Variants in CPNE3 observed in about 807,000 individuals in gnomAD.
The protein encoded by CPNE3 is copine-3.
Under a neutral mutation model 63.9 loss-of-function variants are expected in CPNE3, and 68 were observed. That is an observed-to-expected ratio of 1.06 (90% CI 0.87 to 1.30). CPNE3 has a LOEUF of 1.30. Among genes scored for constraint, CPNE3 ranks in the 50% most tolerant of loss-of-function variants. The pLI is 0.00. For synonymous variants in CPNE3, 219 were observed against 197.5 expected, an observed-to-expected ratio of 1.11 and a Z score of -0.91; for missense variants, 665 against 578.1, an observed-to-expected ratio of 1.15 and a Z score of -1.54.
rs773744983 is a variant in CPNE3, at chr8:86,540,231, C to A, written c.544-14C>A. ...AAGTTTTTCTAACAGCTTTTTGAAA[C>A]CACATTTTTATAGGTTGTTAAAAAC... On this transcript the variant is annotated splice_polypyrimidine_tract_variant and intron_variant, in intron 7 of 16. Transcript: ENST00000517490. 58 of 1,562,930 alleles carry A rather than the reference C, an allele frequency of 3.7e-5. No individual in the cohort carries two copies. Among genetic ancestry groups the A allele is most frequent in the Admixed American group, 6.7e-5 (4 of 59,660 alleles).
intron 2 of CPNE3, 112 bp from the exon 3 acceptor site, chr8:86,528,424 T>C (rs1283804133): frequency 3.4e-6 from 4 of 1,186,608 alleles, no homozygotes; most frequent in Non-Finnish European, 4.8e-6. Context: ...AAGTTCACTC[T>C]ATAAGCCTAT....
At chr8:86,540,770 A>G (rs1010415085) in intron 8 of CPNE3, among the ~76,000 whole-genome samples, 1 of 152,206 alleles carries the variant, frequency 6.6e-6, no homozygotes, top group African/African-American at 2.4e-5. Context: ...TATTGATGGC[A>G]TTTTTCTTCC....
Position 86,544,854 on chromosome 8 carries a change from G to A in CPNE3, c.732+16G>A. On this transcript the variant is annotated intron_variant, in intron 9 of 16. Transcript: ENST00000517490. ...AAGCTCACCTGTAAGTTACATCCTT[G>A]CATTTGCATATACTTTATAGTTTGG... The A allele has an allele frequency of 1.4e-6, 2 of 1,441,156 alleles. No homozygotes were observed. The highest frequency in any genetic ancestry group is 1.9e-6 in the Non-Finnish European group (2 of 1,046,322). 89.3% of individuals were successfully genotyped at this position (1,441,156 alleles called of 1,614,324 possible).
intron 2 of CPNE3, among the ~76,000 whole-genome samples, chr8:86,516,128 C>G (rs1820302465): frequency 6.6e-6 from 1 of 152,114 alleles, no homozygotes; most frequent in African/African-American, 2.4e-5. Flanking sequence ...GGGACTGGAT[C>G]ATTTTGAGAC....
chr8:86,543,959 T>A (rs1820996791), intron 8 of CPNE3, among the ~76,000 whole-genome samples: 1 of 152,114 alleles, frequency 6.6e-6, no homozygotes, highest in South Asian at 2.1e-4. Flanking sequence ...GAATATTTAC[T>A]CTTTGACTGT....
chr8:86,532,372 C>A, intron 5 of CPNE3, 137 bp from the exon 6 acceptor site: 1 of 559,696 alleles, frequency 1.8e-6, no homozygotes, highest in Admixed American at 3.5e-5. Flanking sequence ...TTTAATGATG[C>A]CATTTTCTTA....
intron 8 of CPNE3, among the ~76,000 whole-genome samples, chr8:86,541,663 C>T (rs1400312667): frequency 6.7e-6 from 1 of 148,154 alleles, no homozygotes. Flanking sequence ...AATATTGCTT[C>T]ACACTGCACT....
chr8:86,558,287 G>A lies in CPNE3; in HGVS notation c.1492-1G>A, dbSNP rs200102898. On this transcript the variant is annotated splice_acceptor_variant, in intron 16 of 16. Transcript: ENST00000517490. LOFTEE classifies it high-confidence loss of function. ...GTCACTTTTATTTTGTTTTTCACAA[G>A]GCTCCAAAAGAAGCACTTGCTCAGT... 2.3e-6 allele frequency: 2 copies of A among 872,794 alleles called. No individual in the cohort carries two copies. Among genetic ancestry groups the A allele is most frequent in the East Asian group, 4.8e-5 (2 of 41,698 alleles). 54.1% of individuals were successfully genotyped at this position (872,794 alleles called of 1,614,324 possible).
chr8:86,540,997 A>G (rs1182690333), intron 8 of CPNE3, among the ~76,000 whole-genome samples: 2 of 152,230 alleles, frequency 1.3e-5, no homozygotes, highest in Non-Finnish European at 2.9e-5. Flanking sequence ...ATACATATAC[A>G]TAAAAGAAAC....
rs375434239 is a variant in CPNE3, at chr8:86,532,711, CAT to C, written c.459+132_459+133del. The C allele has an allele frequency of 9.9e-4, 728 of 736,532 alleles. 7 individuals carry two copies. In the African/African-American group the frequency reaches 0.011, roughly 11 times the overall value. The allele number at this position is 736,532 out of a possible 1,614,324, so 45.6% of individuals were successfully genotyped here. On this transcript the variant is annotated intron_variant, in intron 6 of 16. Coordinates refer to ENST00000517490, the MANE Select transcript of CPNE3 (RefSeq NM_003909.5). The stretch of plus-strand genomic sequence containing the variant: ...GGGTACTAGTTACTTTCAAATTTTG[CAT>C]GTGTGTGTGTGTGTTGTATGTTTAA...
At chr8:86,544,660 A>T in intron 8 of CPNE3, 80 bp from the exon 9 acceptor site, 1 of 623,306 alleles carries the variant, frequency 1.6e-6, no homozygotes, top group Non-Finnish European at 2.3e-6. Context: ...GCACTTCATG[A>T]TAGGTTATAT....
At chr8:86,515,984 T>C (rs1820296975) in intron 2 of CPNE3, among the ~76,000 whole-genome samples, 1 of 152,226 alleles carries the variant, frequency 6.6e-6, no homozygotes. Flanking sequence ...GTGACAACAA[T>C]AGATGTCTCA....
At chr8:86,516,567 T>G (rs1223080752) in intron 2 of CPNE3, among the ~76,000 whole-genome samples, 1 of 152,184 alleles carries the variant, frequency 6.6e-6, no homozygotes, top group Non-Finnish European at 1.5e-5. Flanking sequence ...TTATTTATTT[T>G]ATAATAAAGA....
Position 86,551,113 on chromosome 8 carries a change from C to A in CPNE3, c.1068+13C>A. On this transcript the variant is annotated intron_variant, in intron 13 of 16. Coordinates refer to ENST00000517490, the MANE Select transcript of CPNE3 (RefSeq NM_003909.5). ...TCCTCAGTGGCAGGTAAGAGGAAAT[C>A]TCTATTTTAAAGCTTTGCCTCCTAG... The A allele has an allele frequency of 1.2e-6, 2 of 1,612,998 alleles. No individual in the cohort carries two copies. The highest frequency in any genetic ancestry group is 2.2e-5 in the East Asian group (1 of 44,860).
Position 86,532,582 on chromosome 8 carries a change from T to A in CPNE3, c.459+2T>A. 1 of 1,609,014 alleles carries A rather than the reference T, an allele frequency of 6.2e-7. No homozygotes were observed. The highest frequency in any genetic ancestry group is 8.5e-7 in the Non-Finnish European group (1 of 1,178,208). On this transcript the variant is annotated splice_donor_variant, in intron 6 of 16. Transcript: ENST00000517490. LOFTEE classifies it high-confidence loss of function. ...GAAGCCAGAAAACTGGATAATAAGG[T>A]GGGTAGACTATGCAGATTTCAAAAA...
At position 86,561,452 on chromosome 8, in the gene CPNE3, C is replaced by T. The variant is rs1032799256; in HGVS notation, c.*3042C>T. 3.9e-5 allele frequency: 6 copies of T among 152,068 alleles called. No individual in the cohort carries two copies. Among genetic ancestry groups the T allele is most frequent in the South Asian group, 4.1e-4 (2 of 4,826 alleles). 9.4% of individuals were successfully genotyped at this position (152,068 alleles called of 1,614,324 possible). A position where few individuals can be genotyped will look rare whatever the true frequency, so the allele number is the denominator to read the frequency against. Reference sequence around the variant, plus strand: ...TTTCATTTTTATTCTTTACATGTGACCAAAACAATAGAAAAGTTAAAAATA... The same window carrying T: ...TTTCATTTTTATTCTTTACATGTGATCAAAACAATAGAAAAGTTAAAAATA... On this transcript the variant is annotated 3_prime_UTR_variant, in exon 17 of 17. Transcript: ENST00000517490.
In CPNE3 at chr8:86,554,884, G is replaced by A. The variant is rs779512312; in HGVS notation, c.1154G>A (p.Cys385Tyr). The A allele has an allele frequency of 3.1e-6, 5 of 1,614,132 alleles. No homozygotes were observed. The South Asian group carries it at 3.3e-5, about 11-fold the overall frequency. Reference protein sequence around the residue: ...IQGIVEAYRSCLPQIKLYGPT... With the variant: ...IQGIVEAYRSYLPQIKLYGPT... ...GGCATTGTAGAGGCGTATCGGTCTT[G>A]TCTTCCTCAGATAAAACTCTATGGA... Residue 385 changes from cysteine (C) to tyrosine (Y), a missense_variant, in exon 15 of 17, where the codon TGT becomes TAT. Coordinates refer to ENST00000517490, the MANE Select transcript of CPNE3 (RefSeq NM_003909.5).
chr8:86,519,428 T>G (rs990358596), intron 2 of CPNE3, among the ~76,000 whole-genome samples: 2 of 152,234 alleles, frequency 1.3e-5, no homozygotes, highest in Non-Finnish European at 2.9e-5. Flanking sequence ...TCAGCAATGG[T>G]ATCACTATTT....
chr8:86,548,926 A>G (rs1821113652), intron 12 of CPNE3, among the ~76,000 whole-genome samples: 1 of 152,178 alleles, frequency 6.6e-6, no homozygotes, highest in Admixed American at 6.5e-5. Context: ...GGCAGTTGCC[A>G]AATTATTTTT....
Sources: allele counts gnomAD v4.1 joint callset (sites outside exome capture counted in the v4.1 genomes callset), GRCh38; gene constraint gnomAD v4.1.1; transcripts MANE v1.5; gene names NCBI Gene and HGNC (gene_info 2026-07-23, HGNC 2026-07-21).